The following TENM2 variants were observed in gnomAD, a reference collection of about 807,000 sequenced individuals.
The protein encoded by TENM2 is teneurin-2.
In TENM2, 52 loss-of-function variants were observed where a neutral mutation model predicts 245.2. The ratio of observed to expected loss-of-function variants is 0.21; its 90% CI spans 0.17 to 0.27. The LOEUF (loss-of-function observed/expected upper bound fraction) is 0.27. Among genes scored for constraint, TENM2 ranks in the 10% least tolerant of loss-of-function variants. The pLI is 1.00. For synonymous variants in TENM2, 1,363 were observed against 1,438.9 expected (o/e 0.95, Z 1.19); for missense variants, 3,046 against 3,666.8 (o/e 0.83, Z 4.37).
At chr5:168,232,073 G>GGAAA (rs1764974382) in intron 25 of TENM2, among the ~76,000 whole-genome samples, 1 of 152,144 alleles carries the variant, frequency 6.6e-6, no homozygotes, top group South Asian at 2.1e-4. Context: ...CTCAAGAAAA[G>GGAAA]GAAAGAAAAG....
At chr5:167,853,965 A>G (rs1398986708) in intron 2 of TENM2, among the ~76,000 whole-genome samples, 1 of 152,322 alleles carries the variant, frequency 6.6e-6, no homozygotes, top group Admixed American at 6.5e-5. Flanking sequence ...TTGTGAATCT[A>G]CATTTCTACT....
At chr5:168,173,330 G>C (rs1039609321) in intron 13 of TENM2, among the ~76,000 whole-genome samples, 2 of 152,160 alleles carry the variant, frequency 1.3e-5, no homozygotes, top group Admixed American at 6.5e-5. Context: ...AATCCAGTGT[G>C]CTTTTGTCAA....
At chr5:167,426,418 C>G (rs537865747) in intron 2 of TENM2, among the ~76,000 whole-genome samples, 1 of 151,872 alleles carries the variant, frequency 6.6e-6, no homozygotes, top group South Asian at 2.1e-4. Context: ...TAAAATAAAC[C>G]TGTCCTTAAT....
the TENM2 span, among the ~76,000 whole-genome samples, chr5:166,995,943 G>T: frequency 6.6e-6 from 1 of 151,390 alleles, no homozygotes; most frequent in Non-Finnish European, 1.5e-5. Flanking sequence ...TCCTTGAATC[G>T]GTTGCCCATC....
chr5:168,118,598 C>T, intron 10 of TENM2, 112 bp downstream of exon 12: 1 of 803,212 alleles, frequency 1.2e-6, no homozygotes, highest in Non-Finnish European at 1.8e-6. Flanking sequence ...GAAGTTTCAA[C>T]ATTTTGCACA....
rs186659400 is a variant in TENM2 at position 167,802,220 on chromosome 5, A to G, written c.503-73766A>G. 9.8e-4 allele frequency among the ~76,000 whole-genome samples: 149 copies of G among 152,322 alleles called. 2 individuals carry two copies. In the East Asian group the frequency reaches 0.014, roughly 14 times the overall value. Reference sequence around the variant, plus strand: ...GTAGCATTGGGAAATAAGTTTCAACATGAATTGGGGTGGAGACACAAACAT... The same window carrying G: ...GTAGCATTGGGAAATAAGTTTCAACGTGAATTGGGGTGGAGACACAAACAT... On this transcript the variant is annotated intron_variant, in intron 2 of 28. Coordinates refer to ENST00000518659, the Ensembl canonical transcript of TENM2.
At chr5:167,202,400 A>C in the TENM2 span, among the ~76,000 whole-genome samples, 1 of 152,012 alleles carries the variant, frequency 6.6e-6, no homozygotes, top group Non-Finnish European at 1.5e-5. Context: ...CAAAGAATCT[A>C]CCTTCTTCAG....
intron 12 of TENM2, among the ~76,000 whole-genome samples, chr5:168,155,892 TAAAAAAAAAAAAAAAAA>T (rs55977607): frequency 9.2e-4 from 89 of 96,932 alleles, no homozygotes; most frequent in African/African-American, 2.9e-3. Flanking sequence ...CTGGCATCTG[TAAAAAAAAAAAAAAAAA>T]AAAAAAAAAA....
At chr5:167,841,833 T>C (rs1769542289) in intron 2 of TENM2, among the ~76,000 whole-genome samples, 1 of 152,208 alleles carries the variant, frequency 6.6e-6, no homozygotes, top group Non-Finnish European at 1.5e-5. Flanking sequence ...ACAGTTCCTT[T>C]ACCTGCACTT....
intron 2 of TENM2, among the ~76,000 whole-genome samples, chr5:167,491,403 T>C (rs1561998554): frequency 1.3e-5 from 2 of 152,126 alleles, no homozygotes; most frequent in Non-Finnish European, 2.9e-5. Context: ...AGCTTGTTCT[T>C]AACTTTATTC....
chr5:167,234,654 T>C, the TENM2 span, among the ~76,000 whole-genome samples: 2 of 152,030 alleles, frequency 1.3e-5, no homozygotes, highest in Non-Finnish European at 2.9e-5. Flanking sequence ...ACAGGAAAGG[T>C]TGATTATATT....
At chr5:168,131,030 A>G (rs1222595423) in intron 12 of TENM2, among the ~76,000 whole-genome samples, 21 of 152,218 alleles carry the variant, frequency 1.4e-4, no homozygotes, top group Admixed American at 1.4e-3. Context: ...CGTCTCATGA[A>G]GAGGTAAAGT....
the TENM2 span, among the ~76,000 whole-genome samples, chr5:167,264,189 G>T: frequency 1.6e-4 from 24 of 151,568 alleles, no homozygotes; most frequent in South Asian, 5.0e-3. Context: ...ACTTTACTAA[G>T]GAATTCTTAT....
the TENM2 span, among the ~76,000 whole-genome samples, chr5:167,230,839 G>T: frequency 6.6e-6 from 1 of 152,152 alleles, no homozygotes; most frequent in East Asian, 1.9e-4. Flanking sequence ...AAGTGATATG[G>T]TTACGCTATG....
At chr5:167,874,754 A>G (rs892786836) in intron 2 of TENM2, among the ~76,000 whole-genome samples, 14 of 152,202 alleles carry the variant, frequency 9.2e-5, no homozygotes, top group African/African-American at 3.4e-4. Context: ...GCTCCCTGCC[A>G]TGTGAAGGAG....
chr5:167,695,399 G>T (rs1016565466), intron 2 of TENM2, among the ~76,000 whole-genome samples: 7 of 152,052 alleles, frequency 4.6e-5, no homozygotes, highest in Admixed American at 4.6e-4. Flanking sequence ...CATGTGAAAT[G>T]TTATTCTTCT....
At chr5:167,466,496 T>A (rs1326350992) in intron 2 of TENM2, among the ~76,000 whole-genome samples, 2 of 152,244 alleles carry the variant, frequency 1.3e-5, no homozygotes, top group Non-Finnish European at 2.9e-5. Context: ...GCTACTGTTT[T>A]CGAGGTTTCT....
At position 168,180,947 on chromosome 5, in the gene TENM2, C is replaced by T. The variant is rs903180016; in HGVS notation, c.2570-9390C>T. ...AATGCAGGTTCCCAATATTTAGTCTCAGGAATTCAGTACGTCTGGGTTGAT... is the reference window on the plus strand; with the variant it reads ...AATGCAGGTTCCCAATATTTAGTCTTAGGAATTCAGTACGTCTGGGTTGAT... On this transcript the variant is annotated intron_variant, in intron 13 of 28. Coordinates refer to ENST00000518659, the Ensembl canonical transcript of TENM2. Among the ~76,000 whole-genome samples the T allele has an allele frequency of 2.6e-5, 4 of 151,806 alleles. No homozygotes were observed. The South Asian group carries it at 8.3e-4, about 32-fold the overall frequency.
chr5:167,510,254 T>C (rs1414370802), intron 2 of TENM2, among the ~76,000 whole-genome samples: 2 of 152,234 alleles, frequency 1.3e-5, no homozygotes, highest in Admixed American at 6.5e-5. Context: ...CTTTCTCTTA[T>C]GTCTTCTAAG....
Sources: gnomAD v4.1 joint callset for allele counts (sites outside exome capture counted in the v4.1 genomes callset) on GRCh38, gnomAD v4.1.1 for gene constraint, MANE v1.5 for transcripts, NCBI Gene and HGNC (gene_info 2026-07-23, HGNC 2026-07-21) for gene names.